The following KCNK10 variants were observed in gnomAD, a reference collection of about 807,000 sequenced individuals.
The protein encoded by KCNK10 is potassium channel subfamily K member 10.
Under a neutral mutation model 47.7 loss-of-function variants are expected in KCNK10, and 25 were observed. That is an observed-to-expected ratio of 0.52 (90% confidence interval 0.38 to 0.73). The LOEUF (loss-of-function observed/expected upper bound fraction) is 0.73, where lower values mean the gene tolerates loss of function less well. KCNK10 is among the 30% of genes least tolerant of loss of function. The probability of loss-of-function intolerance (pLI) is 0.00; values close to 1 mark genes in which losing one functional copy is unlikely to be tolerated. For synonymous variants in KCNK10, 303 were observed against 285.6 expected (o/e 1.06, Z -0.61); for missense variants, 563 against 714.5 (o/e 0.79, Z 2.42).
At chr14:88,249,244 A>G (rs1312354985) in intron 2 of KCNK10, among the ~76,000 whole-genome samples, 1 of 152,256 alleles carries the variant, frequency 6.6e-6, no homozygotes, top group Non-Finnish European at 1.5e-5. Context: ...GCCCATTTCC[A>G]TAGAGAAGGA....
intron 3 of KCNK10, among the ~76,000 whole-genome samples, chr14:88,231,698 A>AG (rs1414463126): frequency 2.0e-5 from 3 of 152,204 alleles, no homozygotes; most frequent in African/African-American, 4.8e-5. Context: ...GAAAGGGACT[A>AG]GGGTGCAGTG....
chr14:88,190,389 A>G (rs184618890), intron 5 of KCNK10, among the ~76,000 whole-genome samples: 1 of 152,284 alleles, frequency 6.6e-6, no homozygotes, highest in East Asian at 1.9e-4. Context: ...CTTAGATTGG[A>G]AACACCACTG....
chr14:88,223,936 T>A (rs1885903362), intron 4 of KCNK10, among the ~76,000 whole-genome samples: 1 of 152,012 alleles, frequency 6.6e-6, no homozygotes, highest in Non-Finnish European at 1.5e-5. Flanking sequence ...ATCCCAGCAC[T>A]CTGGGAGGCC....
intron 2 of KCNK10, among the ~76,000 whole-genome samples, chr14:88,252,724 G>T (rs1048621681): frequency 3.3e-5 from 5 of 152,110 alleles, no homozygotes; most frequent in Non-Finnish European, 7.4e-5. Context: ...CAGGCCCAAT[G>T]CGCACAGCCA....
At position 88,323,204 on chromosome 14, in the gene KCNK10, C is replaced by G. The variant is rs1888587616; in HGVS notation, c.-406G>C. 9.6e-7 allele frequency: 1 copy of G among 1,038,114 alleles called. No homozygotes were observed. The highest frequency in any genetic ancestry group is 5.1e-5 in the Admixed American group (1 of 19,546). The allele number at this position is 1,038,114 out of a possible 1,614,324, so 64.3% of individuals were successfully genotyped here. A position where few individuals can be genotyped will look rare whatever the true frequency, so the allele number is the denominator to read the frequency against. On this transcript the variant is annotated 5_prime_UTR_variant, in exon 1 of 7. Coordinates refer to ENST00000319231, the MANE Select transcript of KCNK10 (RefSeq NM_138317.3). Reference sequence around the variant, plus strand: ...GCCCACTGCAGTGTCACTCCAGCCCCCGAAGGCGTGTGCGCACACACTCCC... The same window carrying G: ...GCCCACTGCAGTGTCACTCCAGCCCGCGAAGGCGTGTGCGCACACACTCCC...
chr14:88,255,844 A>G (rs1021958935), intron 2 of KCNK10, among the ~76,000 whole-genome samples: 1 of 152,094 alleles, frequency 6.6e-6, no homozygotes, highest in Non-Finnish European at 1.5e-5. Context: ...TGGGTAAGAG[A>G]GCAAGACCCT....
At chr14:88,312,128 A>G (rs989037316) in intron 1 of KCNK10, among the ~76,000 whole-genome samples, 5 of 152,124 alleles carry the variant, frequency 3.3e-5, no homozygotes, top group African/African-American at 1.2e-4. Flanking sequence ...GTGCTACTCA[A>G]AAGAAACCAT....
intron 1 of KCNK10, among the ~76,000 whole-genome samples, chr14:88,265,729 T>C (rs1438872782): frequency 6.6e-6 from 1 of 152,180 alleles, no homozygotes; most frequent in Non-Finnish European, 1.5e-5. Flanking sequence ...TGGGAGGTAA[T>C]TGAAGCATGG....
rs893945194 is a variant in KCNK10 at position 88,260,538 on chromosome 14, C to T, written c.402+2664G>A. 6.6e-6 allele frequency among the ~76,000 whole-genome samples: 1 copy of T among 152,186 alleles called. No homozygotes were observed. Among genetic ancestry groups the T allele is most frequent in the African/African-American group, 2.4e-5 (1 of 41,468 alleles). On this transcript the variant is annotated intron_variant, in intron 2 of 6. Transcript: ENST00000319231. This position sits in a 1 kb window ranked among gnomAD's most constrained non-coding sequence, Gnocchi z 4.5. ...GGAGCTTATTATAAACCAAGATCTA[C>T]TTAAAGGGCCTGTAGACTATTTGGA...
chr14:88,326,731 C>G (rs10144595), upstream of KCNK10: 67,005 of 466,366 alleles, frequency 0.14, 5,850 homozygotes, highest in African/African-American at 0.3. Flanking sequence ...CTGGAGCGCA[C>G]CAATAGTTGC....
chr14:88,294,486 A>C (rs1490460339), intron 1 of KCNK10, among the ~76,000 whole-genome samples: 1 of 152,246 alleles, frequency 6.6e-6, no homozygotes, highest in African/African-American at 2.4e-5. Flanking sequence ...TGGACTGTTC[A>C]GTTTTGAAAA....
In KCNK10 at chr14:88,184,726, C is replaced by T. The variant is rs1884483369; in HGVS notation, c.*809G>A. 6.6e-6 allele frequency: 1 copy of T among 152,296 alleles called. No homozygotes were observed. The highest frequency in any genetic ancestry group is 2.4e-5 in the African/African-American group (1 of 41,414). The allele number at this position is 152,296 out of a possible 1,614,324, so 9.4% of individuals were successfully genotyped here. On this transcript the variant is annotated 3_prime_UTR_variant, in exon 7 of 7. Coordinates refer to ENST00000319231, the MANE Select transcript of KCNK10 (RefSeq NM_138317.3). ...AAATCAGTTTATTGTCACCATTGCA[C>T]CCACTGAGGAAAATGCATGATTGGC...
intron 2 of KCNK10, among the ~76,000 whole-genome samples, chr14:88,252,401 A>T (rs183672296): frequency 4.6e-5 from 7 of 152,204 alleles, no homozygotes; most frequent in Non-Finnish European, 8.8e-5. Context: ...GAAAGAATGA[A>T]TAAGTGAGTG....
chr14:88,199,824 G>A (rs1885042833), intron 4 of KCNK10, among the ~76,000 whole-genome samples: 1 of 152,182 alleles, frequency 6.6e-6, no homozygotes, highest in African/African-American at 2.4e-5. Flanking sequence ...TGCATTTTCT[G>A]TGACCTTATT....
chr14:88,238,164 C>T (rs1432409176), intron 3 of KCNK10, among the ~76,000 whole-genome samples: 1 of 152,208 alleles, frequency 6.6e-6, no homozygotes, highest in African/African-American at 2.4e-5. Context: ...TAGCTTCAAA[C>T]TTTTCTTCTG....
chr14:88,317,886 C>A (rs1434458307), intron 1 of KCNK10, among the ~76,000 whole-genome samples: 1 of 152,190 alleles, frequency 6.6e-6, no homozygotes, highest in Non-Finnish European at 1.5e-5. Flanking sequence ...TCCACCTCCA[C>A]TCCTAGAGCT....
At chr14:88,207,964 A>T (rs1454065424) in intron 4 of KCNK10, among the ~76,000 whole-genome samples, 1 of 152,214 alleles carries the variant, frequency 6.6e-6, no homozygotes, top group African/African-American at 2.4e-5. Context: ...TAAATATCAC[A>T]CGCAAAAGTC....
At chr14:88,291,060 C>G (rs780922788) in intron 1 of KCNK10, among the ~76,000 whole-genome samples, 1 of 152,208 alleles carries the variant, frequency 6.6e-6, no homozygotes, top group Non-Finnish European at 1.5e-5. Context: ...TATTCCCACA[C>G]GTCTTGTACA....
At chr14:88,321,750 A>T (rs1337252399) in intron 1 of KCNK10, among the ~76,000 whole-genome samples, 1 of 152,258 alleles carries the variant, frequency 6.6e-6, no homozygotes, top group African/African-American at 2.4e-5. Flanking sequence ...AAAAGAAGAA[A>T]TGCGCTCATA....
Sources: allele counts gnomAD v4.1 joint callset (sites outside exome capture counted in the v4.1 genomes callset), GRCh38; gene constraint gnomAD v4.1.1; non-coding constraint Gnocchi (gnomAD v3.1); transcripts MANE v1.5; gene names NCBI Gene and HGNC (gene_info 2026-07-23, HGNC 2026-07-21).